Variants in UNC13A observed in about 807,000 individuals in gnomAD.
UNC13A encodes the protein protein unc-13 homolog A.
A neutral mutation model predicts 219.7 loss-of-function variants in UNC13A; 61 were observed. The ratio of observed to expected loss-of-function variants is 0.28; its 90% CI spans 0.23 to 0.34. UNC13A has a LOEUF of 0.34. Ranked by LOEUF, UNC13A falls within the 10% of genes least tolerant of loss-of-function variation. The pLI is 1.00. For synonymous variants in UNC13A, 920 were observed against 884.6 expected, an observed-to-expected ratio of 1.04 and a Z score of -0.71; for missense variants, 1,476 against 2,270.3, an observed-to-expected ratio of 0.65 and a Z score of 7.11.
chr19:17,686,897 G>A (rs574806591), intron 1 of UNC13A, among the ~76,000 whole-genome samples: 2 of 152,154 alleles, frequency 1.3e-5, no homozygotes, highest in East Asian at 3.9e-4. Context: ...CCAGGCAGCA[G>A]GAGTTCAGCA....
chr19:17,659,948 C>T (rs76441268), intron 8 of UNC13A, among the ~76,000 whole-genome samples: 15,411 of 152,152 alleles, frequency 0.1, 870 homozygotes, highest in South Asian at 0.13. Flanking sequence ...TGGGCTGGAG[C>T]GCAGTGGCGC....
chr19:17,664,942 G>C (rs1474332962), intron 7 of UNC13A, among the ~76,000 whole-genome samples: 1 of 152,170 alleles, frequency 6.6e-6, no homozygotes, highest in Non-Finnish European at 1.5e-5. Flanking sequence ...GCTCACACCT[G>C]TAATCCCAGC....
chr19:17,639,035 GT>G lies in UNC13A; in HGVS notation c.3081+47del, dbSNP rs375422198. ...AGGGGCAGGGCTGGGACTGAAGCCT[GT>G]GTCTAGTTGGCATCACTGTTCCCTT... On this transcript the variant is annotated intron_variant, in intron 25 of 43. Coordinates refer to ENST00000519716, the MANE Select transcript of UNC13A (RefSeq NM_001080421.3). 4.1e-4 allele frequency: 627 copies of G among 1,527,772 alleles called. No homozygotes were observed. In the African/African-American group the frequency reaches 7.6e-3, roughly 18 times the overall value. 94.6% of individuals were successfully genotyped at this position (1,527,772 alleles called of 1,614,324 possible). A position where few individuals can be genotyped will look rare whatever the true frequency, so the allele number is the denominator to read the frequency against.
In UNC13A at chr19:17,641,573, GAA is replaced by G. The variant is rs2076970393; in HGVS notation, c.2473-19_2473-18del. On this transcript the variant is annotated intron_variant, in intron 20 of 43. Transcript: ENST00000519716. ...GAACAGGTTCTGCCACCATGGGAGA[GAA>G]AGTGTCATGGAGAGTGCAAGGGGTC... 1.2e-6 allele frequency: 2 copies of G among 1,613,464 alleles called. No individual in the cohort carries two copies. The highest frequency in any genetic ancestry group is 1.3e-5 in the African/African-American group (1 of 74,930).
At chr19:17,653,995 T>A (rs981974972) in intron 11 of UNC13A, among the ~76,000 whole-genome samples, 12 of 151,714 alleles carry the variant, frequency 7.9e-5, no homozygotes. Context: ...GCCGGCTAAT[T>A]TTTTTGTACT....
intron 12 of UNC13A, among the ~76,000 whole-genome samples, chr19:17,652,030 C>T (rs903899628): frequency 2.0e-5 from 3 of 152,144 alleles, no homozygotes; most frequent in Non-Finnish European, 4.4e-5. Flanking sequence ...ATAGAATCAA[C>T]GCAAAAATTT....
intron 38 of UNC13A, 111 bp from the exon 39 acceptor site, chr19:17,619,073 T>C (rs1170246740): frequency 3.0e-6 from 3 of 990,270 alleles, no homozygotes; most frequent in Admixed American, 1.9e-5. Context: ...GCAATAATTG[T>C]GTCCCAGGGA....
At chr19:17,607,249 TTTTA>T (rs1247661718) in intron 43 of UNC13A, among the ~76,000 whole-genome samples, 1 of 151,056 alleles carries the variant, frequency 6.6e-6, no homozygotes, top group Non-Finnish European at 1.5e-5. Flanking sequence ...CCCTGTGCAT[TTTTA>T]TTTATTTTTA....
chr19:17,662,111 C>T (rs768617173), intron 8 of UNC13A, among the ~76,000 whole-genome samples: 10 of 152,120 alleles, frequency 6.6e-5, no homozygotes, highest in Non-Finnish European at 1.3e-4. Context: ...GGCATGGTGG[C>T]ACGCGCCTGT....
In UNC13A at chr19:17,611,685, A is replaced by G. The variant is rs2076605371; in HGVS notation, c.4651+78T>C. ...GACCATTAAACAACAACAACAAAAA[A>G]AGGGTGTTGCTTAAGCCAGTTTGAG... On this transcript the variant is annotated intron_variant, in intron 42 of 43. Transcript: ENST00000519716. The G allele has an allele frequency of 1.4e-5, 18 of 1,316,434 alleles. No homozygotes were observed. The South Asian group carries it at 2.1e-4, about 16-fold the overall frequency. 81.5% of individuals were successfully genotyped at this position (1,316,434 alleles called of 1,614,324 possible).
At chr19:17,620,541 A>G (rs890270329) in intron 38 of UNC13A, among the ~76,000 whole-genome samples, 152 bp downstream of exon 38, 9 of 141,092 alleles carry the variant, frequency 6.4e-5, no homozygotes, top group African/African-American at 2.3e-4. Context: ...ACCCCCCACG[A>G]GCAAGCCAGA....
At chr19:17,642,781 A>C in intron 20 of UNC13A, 64 bp downstream of exon 20, 10 of 1,381,210 alleles carry the variant, frequency 7.2e-6, no homozygotes, top group East Asian at 2.5e-5. Flanking sequence ...AGAAAGAGGA[A>C]GAGCTGGGCA....
chr19:17,658,393 A>G lies in UNC13A; in HGVS notation c.560-124T>C. 7 of 902,516 alleles carry G rather than the reference A, an allele frequency of 7.8e-6. No individual in the cohort carries two copies. The East Asian group carries it at 1.9e-4, about 24-fold the overall frequency. The allele number at this position is 902,516 out of a possible 1,614,324, so 55.9% of individuals were successfully genotyped here. On this transcript the variant is annotated intron_variant, in intron 8 of 43. Transcript: ENST00000519716. ...AAGAGAATTTTTTACTAGTATGGAT[A>G]AAGAATTGTGGGTCATGTTAATAGA...
chr19:17,642,202 A>T (rs2076978341), intron 20 of UNC13A, among the ~76,000 whole-genome samples: 1 of 152,094 alleles, frequency 6.6e-6, no homozygotes, highest in Admixed American at 6.6e-5. Context: ...TCAATCATCT[A>T]TCCAGCAATC....
Position 17,646,015 on chromosome 19 carries a change from GT to G in UNC13A, c.2140del (p.Thr714ProfsTer40). 1 of 1,613,486 alleles carries G rather than the reference GT, an allele frequency of 6.2e-7. No homozygotes were observed. Among genetic ancestry groups the G allele is most frequent in the Non-Finnish European group, 8.5e-7 (1 of 1,179,656 alleles). On this transcript the variant is annotated frameshift_variant, in exon 18 of 44. Coordinates refer to ENST00000519716, the MANE Select transcript of UNC13A (RefSeq NM_001080421.3). LOFTEE classifies it high-confidence loss of function. ...QVGKTKKRTK[T>X]IYGNLNPVWE... ...CACCGGGTTGAGGTTCCCATAGATG[GT>G]TTTTGTCCGTTTCTTGGTCTTCCCG...
Position 17,623,498 on chromosome 19 carries a change from C to G in UNC13A, c.4203+44G>C, listed in dbSNP as rs1568506951. The G allele has an allele frequency of 5.9e-6, 9 of 1,515,862 alleles. No individual in the cohort carries two copies. The South Asian group carries it at 9.9e-5, about 17-fold the overall frequency. The allele number at this position is 1,515,862 out of a possible 1,614,324, so 93.9% of individuals were successfully genotyped here. A position where few individuals can be genotyped will look rare whatever the true frequency, so the allele number is the denominator to read the frequency against. On this transcript the variant is annotated intron_variant, in intron 36 of 43. Transcript: ENST00000519716. ...CGACGCGGTGGGCCGAGTCCAGACACAGAGAGGACGGACAGACAGACGGAC... is the reference window on the plus strand; with the variant it reads ...CGACGCGGTGGGCCGAGTCCAGACAGAGAGAGGACGGACAGACAGACGGAC...
intron 16 of UNC13A, among the ~76,000 whole-genome samples, chr19:17,647,881 T>C (rs4808676): frequency 0.67 from 90,911 of 134,814 alleles, 31,431 homozygotes; most frequent in African/African-American, 0.85. Context: ...GCTGCCTCTC[T>C]GAGCCCCACT....
chr19:17,640,036 A>AT (rs369769696), intron 22 of UNC13A, 128 bp from the exon 23 acceptor site: 17,313 of 741,048 alleles, frequency 0.023, 1 homozygote, highest in East Asian at 0.027. Flanking sequence ...ATTCTATGGC[A>AT]TTTTTTTTTT....
Position 17,640,588 on chromosome 19 carries a change from T to C in UNC13A, c.2710A>G (p.Ile904Val), listed in dbSNP as rs1234019960. 8.9e-6 allele frequency: 14 copies of C among 1,578,180 alleles called. No individual in the cohort carries two copies. The highest frequency in any genetic ancestry group is 1.2e-5 in the Non-Finnish European group (14 of 1,162,658). Reference protein sequence around the residue: ...PAVMSTLLANINAYYAHTTAS... With the variant: ...PAVMSTLLANVNAYYAHTTAS... ...GTGGTGTGTGCGTAGTAGGCATTGATGTTGGCGAGCAGGGTGCTCATGACG... is the reference window on the plus strand; with the variant it reads ...GTGGTGTGTGCGTAGTAGGCATTGACGTTGGCGAGCAGGGTGCTCATGACG... Residue 904 changes from isoleucine to valine, a missense_variant, in exon 22 of 44, where the codon ATC becomes GTC. By Grantham distance (29) the Ile-to-Val change is conservative. Transcript: ENST00000519716.
Sources: allele counts gnomAD v4.1 joint callset (sites outside exome capture counted in the v4.1 genomes callset), GRCh38; gene constraint gnomAD v4.1.1; transcripts MANE v1.5; gene names NCBI Gene and HGNC (gene_info 2026-07-23, HGNC 2026-07-21).